PTH2R: variants seen among roughly 807,000 people sequenced by gnomAD.
The protein encoded by PTH2R is PTH2 receptor.
Under a neutral mutation model 60.3 loss-of-function variants are expected in PTH2R, and 59 were observed. The observed-to-expected ratio is 0.98, with a 90% confidence interval of 0.79 to 1.22. PTH2R has a LOEUF of 1.22. PTH2R is among the 50% of genes most tolerant of loss of function. PTH2R has a pLI of 0.00. For synonymous variants in PTH2R, 256 were observed against 243.8 expected (o/e 1.05, Z -0.47); for missense variants, 749 against 682.6 (o/e 1.10, Z -1.08).
chr2:208,391,145 G>C (rs1701101166), intron 1 of PTH2R, among the ~76,000 whole-genome samples: 1 of 152,160 alleles, frequency 6.6e-6, no homozygotes, highest in Admixed American at 6.5e-5. Flanking sequence ...AAATAGAGTG[G>C]TCCAATTTCC....
intron 9 of PTH2R, among the ~76,000 whole-genome samples, chr2:208,463,494 A>G (rs143915929): frequency 4.5e-4 from 68 of 152,268 alleles, no homozygotes; most frequent in African/African-American, 1.6e-3. Context: ...TTTATGGTAC[A>G]GGCTGGCCTT....
intron 9 of PTH2R, among the ~76,000 whole-genome samples, chr2:208,470,987 G>C (rs1246252179): frequency 6.6e-6 from 1 of 152,164 alleles, no homozygotes; most frequent in African/African-American, 2.4e-5. Context: ...TTTTATCAAA[G>C]AGACTGGTGG....
intron 1 of PTH2R, 138 bp from the exon 2 acceptor site, chr2:208,428,063 T>C (rs954748888): frequency 3.3e-6 from 2 of 599,954 alleles, no homozygotes; most frequent in Non-Finnish European, 5.5e-6. Context: ...TTTTGAATTT[T>C]GATTCAGATA....
At chr2:208,455,019 C>T (rs144929761) in intron 8 of PTH2R, among the ~76,000 whole-genome samples, 2 of 152,278 alleles carry the variant, frequency 1.3e-5, no homozygotes, top group Admixed American at 6.5e-5. Context: ...TCAAAGCTCC[C>T]CATTCATCAG....
chr2:208,406,555 C>A (rs1029568293), upstream of PTH2R, among the ~76,000 whole-genome samples: 8 of 152,156 alleles, frequency 5.3e-5, no homozygotes, highest in African/African-American at 1.9e-4. Flanking sequence ...AGACCCAGGG[C>A]GCCCCTAGAG....
chr2:208,361,813 C>T (rs1339275741), intron 1 of PTH2R, among the ~76,000 whole-genome samples: 1 of 151,486 alleles, frequency 6.6e-6, no homozygotes, highest in African/African-American at 2.4e-5. Context: ...ATGTATATGC[C>T]ACATTTTGTT....
At chr2:208,387,137 C>A (rs1012422653) in intron 1 of PTH2R, among the ~76,000 whole-genome samples, 2 of 152,080 alleles carry the variant, frequency 1.3e-5, no homozygotes, top group Admixed American at 6.6e-5. Flanking sequence ...GTTACGATCA[C>A]CCCATAATTG....
At chr2:208,431,766 C>A (rs1442732943) in intron 2 of PTH2R, among the ~76,000 whole-genome samples, 3 of 152,160 alleles carry the variant, frequency 2.0e-5, no homozygotes, top group Admixed American at 6.5e-5. Flanking sequence ...CCCCATCAGG[C>A]CTCAGGCTCT....
chr2:208,489,119 T>G lies in PTH2R; in HGVS notation c.1184T>G (p.Met395Arg). 6.2e-7 allele frequency: 1 copy of G among 1,614,182 alleles called. No homozygotes were observed. The highest frequency in any genetic ancestry group is 8.5e-7 in the Non-Finnish European group (1 of 1,180,026). ...SFTGLGWEIR[M>R]HCELFFNSFQ... Reference sequence around the variant, plus strand: ...ACTGGGCTCGGGTGGGAGATCCGCATGCACTGTGAGCTCTTCTTCAACTCC... The same window carrying G: ...ACTGGGCTCGGGTGGGAGATCCGCAGGCACTGTGAGCTCTTCTTCAACTCC... The change falls in exon 11 of 13, where the codon ATG (methionine) becomes AGG (arginine). Residue 395 changes from methionine (M) to arginine (R), a missense_variant. Transcript: ENST00000272847.
At chr2:208,420,746 C>T (rs1701738138) in intron 1 of PTH2R, among the ~76,000 whole-genome samples, 1 of 152,214 alleles carries the variant, frequency 6.6e-6, no homozygotes, top group African/African-American at 2.4e-5. Flanking sequence ...ATATTACAAT[C>T]AGGAAATTGA....
chr2:208,367,263 T>G (rs768017347), intron 1 of PTH2R, among the ~76,000 whole-genome samples: 8 of 152,022 alleles, frequency 5.3e-5, no homozygotes, highest in Non-Finnish European at 1.0e-4. Flanking sequence ...CCAGCTAATT[T>G]TTCTATTTTT....
At chr2:208,366,944 T>C (rs1042402321) in intron 1 of PTH2R, among the ~76,000 whole-genome samples, 2 of 152,204 alleles carry the variant, frequency 1.3e-5, no homozygotes, top group East Asian at 3.9e-4. Context: ...GCCAACTGTT[T>C]CTGTACCTCA....
intron 2 of PTH2R, among the ~76,000 whole-genome samples, chr2:208,432,572 A>G (rs923966845): frequency 6.6e-6 from 1 of 152,228 alleles, no homozygotes; most frequent in Non-Finnish European, 1.5e-5. Context: ...ATTAGAAAGA[A>G]TTGGCTCACA....
In PTH2R at chr2:208,395,185, C is replaced by T. The variant is rs538315614; in HGVS notation, c.-258-33016C>T. Among the ~76,000 whole-genome samples, 5 of 152,050 alleles carry T rather than the reference C, an allele frequency of 3.3e-5. No individual in the cohort carries two copies. The East Asian group carries it at 9.7e-4, about 30-fold the overall frequency. On this transcript the variant is annotated intron_variant, in intron 1 of 12. Transcript: ENST00000617735. ...GCCTCAGCCTCCGCAGTAGCTGGGA[C>T]TACATGCGCCCGCCACCATGCCTGG... is the stretch of plus-strand genomic sequence containing the variant.
intron 1 of PTH2R, among the ~76,000 whole-genome samples, chr2:208,398,941 T>G (rs1346483428): frequency 2.6e-5 from 4 of 152,204 alleles, no homozygotes; most frequent in Non-Finnish European, 5.9e-5. Flanking sequence ...TTGGCACAGA[T>G]TTCCAAAATA....
At chr2:208,403,981 A>G (rs1192148258), upstream of PTH2R, among the ~76,000 whole-genome samples, 4 of 152,166 alleles carry the variant, frequency 2.6e-5, no homozygotes, top group Non-Finnish European at 5.9e-5. Flanking sequence ...TATTTCCACT[A>G]TATTCTATAG....
At chr2:208,387,676 G>T (rs1701026716) in intron 1 of PTH2R, among the ~76,000 whole-genome samples, 1 of 152,126 alleles carries the variant, frequency 6.6e-6, no homozygotes, top group African/African-American at 2.4e-5. Context: ...TAACATTCAG[G>T]TGATTTTGCT....
At chr2:208,426,785 A>T (rs75282651) in intron 1 of PTH2R, among the ~76,000 whole-genome samples, 1 of 152,156 alleles carries the variant, frequency 6.6e-6, no homozygotes, top group Admixed American at 6.5e-5. Context: ...TTCCCCAGCA[A>T]TGTGGAACTG....
intron 1 of PTH2R, among the ~76,000 whole-genome samples, chr2:208,399,899 G>A (rs1317813164): frequency 6.6e-6 from 1 of 152,110 alleles, no homozygotes; most frequent in Non-Finnish European, 1.5e-5. Flanking sequence ...GTTCATACCT[G>A]CTGTTCACCT....
Sources: allele counts gnomAD v4.1 joint callset (sites outside exome capture counted in the v4.1 genomes callset), GRCh38; gene constraint gnomAD v4.1.1; transcripts MANE v1.5; gene names NCBI Gene and HGNC (gene_info 2026-07-23, HGNC 2026-07-21).